CNOT6: variants seen among roughly 807,000 people sequenced by gnomAD.
CNOT6 encodes the protein carbon catabolite repression 4 protein.
Under a neutral mutation model 61.2 loss-of-function variants are expected in CNOT6, and 12 were observed. The observed-to-expected ratio is 0.20, with a 90% CI of 0.13 to 0.32. The LOEUF (loss-of-function observed/expected upper bound fraction) is 0.32, where lower values mean the gene tolerates loss of function less well. CNOT6 is among the 10% of genes least tolerant of loss of function. The pLI, the probability that CNOT6 is intolerant of heterozygous loss-of-function variation, is 1.00. For synonymous variants in CNOT6, 225 were observed against 240.6 expected, an observed-to-expected ratio of 0.94 and a Z score of 0.60; for missense variants, 405 against 663.9, an observed-to-expected ratio of 0.61 and a Z score of 4.28.
intron 3 of CNOT6, among the ~76,000 whole-genome samples, chr5:180,552,603 A>G (rs949186382): frequency 2.4e-4 from 36 of 151,270 alleles, no homozygotes; most frequent in African/African-American, 7.3e-4. Context: ...CCGAGATCGC[A>G]TCACTGCACT....
intron 2 of CNOT6, among the ~76,000 whole-genome samples, chr5:180,549,266 A>C (rs1262637598): frequency 1.3e-5 from 2 of 152,180 alleles, no homozygotes; most frequent in Non-Finnish European, 2.9e-5. Flanking sequence ...GTTATTTTGC[A>C]TAAGTCCAAA....
intron 4 of CNOT6, among the ~76,000 whole-genome samples, chr5:180,555,358 C>CT (rs1383853472): frequency 2.0e-5 from 3 of 152,188 alleles, no homozygotes; most frequent in African/African-American, 7.2e-5. Context: ...GTGTAAATGC[C>CT]TGCAGCAGTA....
chr5:180,559,743 G>A (rs546581091), intron 4 of CNOT6, among the ~76,000 whole-genome samples: 2 of 151,744 alleles, frequency 1.3e-5, no homozygotes, highest in South Asian at 2.1e-4. Context: ...TTCTGTAGTG[G>A]TTTGAGTGTG....
intron 2 of CNOT6, among the ~76,000 whole-genome samples, chr5:180,542,823 T>A (rs78702037): frequency 0.049 from 7,476 of 152,270 alleles, 256 homozygotes; most frequent in Non-Finnish European, 0.069. Flanking sequence ...TGCTTAAAAG[T>A]AAATGCAAGT....
At chr5:180,572,910 C>T (rs746843548) in intron 11 of CNOT6, among the ~76,000 whole-genome samples, 4 of 152,154 alleles carry the variant, frequency 2.6e-5, no homozygotes, top group South Asian at 2.1e-4. Flanking sequence ...AATTTCTTAA[C>T]TCCCAGCTTT....
chr5:180,554,040 A>G (rs1358912290), intron 4 of CNOT6, among the ~76,000 whole-genome samples: 1 of 152,242 alleles, frequency 6.6e-6, no homozygotes, highest in Non-Finnish European at 1.5e-5. Flanking sequence ...CATGTTAAGC[A>G]GTTCTTCACC....
At chr5:180,561,222 G>C (rs1460305380) in intron 4 of CNOT6, among the ~76,000 whole-genome samples, 1 of 152,168 alleles carries the variant, frequency 6.6e-6, no homozygotes, top group Admixed American at 6.5e-5. Context: ...AAAGTGCTGG[G>C]ATTATAGGCA....
At chr5:180,529,911 C>T (rs1758275728) in intron 2 of CNOT6, among the ~76,000 whole-genome samples, 1 of 152,332 alleles carries the variant, frequency 6.6e-6, no homozygotes, top group South Asian at 2.1e-4. Context: ...AAGAAGATCT[C>T]AAATTTCCCT....
chr5:180,569,597 C>T (rs895169344), intron 10 of CNOT6, among the ~76,000 whole-genome samples: 6 of 152,076 alleles, frequency 3.9e-5, no homozygotes, highest in African/African-American at 1.4e-4. Flanking sequence ...CTTTAAAGAA[C>T]GTATGTAGTT....
At chr5:180,509,965 CTCAAAATGTGTAGTTATGAT>C (rs1337205429) in intron 1 of CNOT6, among the ~76,000 whole-genome samples, 7 of 150,684 alleles carry the variant, frequency 4.6e-5, no homozygotes, top group Non-Finnish European at 1.0e-4. Context: ...TTATAGTAGT[CTCAAAATGTGTAGTTATGAT>C]TTAAGTTTTG....
At chr5:180,564,346 G>A (rs916863182) in intron 4 of CNOT6, 143 bp from the exon 5 acceptor site, 5 of 640,902 alleles carry the variant, frequency 7.8e-6, no homozygotes, top group African/African-American at 7.4e-5. Context: ...ATCAGAAACT[G>A]AAAAAACAAT....
chr5:180,496,108 G>T (rs1391062850), intron 1 of CNOT6, among the ~76,000 whole-genome samples: 1 of 152,052 alleles, frequency 6.6e-6, no homozygotes, highest in Admixed American at 6.6e-5. Flanking sequence ...TTGCTCTGTT[G>T]CCCAGGCTGG....
intron 1 of CNOT6, among the ~76,000 whole-genome samples, chr5:180,528,978 A>G (rs1057456519): frequency 8.5e-5 from 13 of 152,098 alleles, no homozygotes; most frequent in Admixed American, 8.5e-4. Flanking sequence ...TGGGAGGCCA[A>G]GGCGGGCGGA....
intron 2 of CNOT6, among the ~76,000 whole-genome samples, chr5:180,547,836 C>A (rs1394883203): frequency 6.6e-6 from 1 of 152,050 alleles, no homozygotes; most frequent in Non-Finnish European, 1.5e-5. Context: ...CGGGTTCAAG[C>A]GGTTCTCCTG....
Position 180,575,402 on chromosome 5 carries a change from A to G in CNOT6, c.*1202A>G, listed in dbSNP as rs1010577879. On this transcript the variant is annotated 3_prime_UTR_variant, in exon 12 of 12. Coordinates refer to ENST00000261951, the MANE Select transcript of CNOT6 (RefSeq NM_001370472.1). ...CAGTGTGCTGCTTGTCACCCAGAAT[A>G]CTACTATCATGTGAATTCTTTTTGT... 6.6e-6 allele frequency: 1 copy of G among 151,250 alleles called. No homozygotes were observed. The highest frequency in any genetic ancestry group is 2.4e-5 in the African/African-American group (1 of 41,082). The allele number at this position is 151,250 out of a possible 1,614,324, so 9.4% of individuals were successfully genotyped here. A position where few individuals can be genotyped will look rare whatever the true frequency, so the allele number is the denominator to read the frequency against.
At chr5:180,568,234 T>TA (rs1760561930) in intron 9 of CNOT6, among the ~76,000 whole-genome samples, 1 of 133,726 alleles carries the variant, frequency 7.5e-6, no homozygotes. Context: ...AAAAACCTTT[T>TA]TTTTTTTTTT....
intron 9 of CNOT6, among the ~76,000 whole-genome samples, chr5:180,568,209 C>A (rs1369568774): frequency 5.4e-5 from 8 of 147,940 alleles, no homozygotes; most frequent in African/African-American, 2.0e-4. Flanking sequence ...GTATTAGAAG[C>A]CTTGAAAAGC....
chr5:180,504,770 C>G (rs1757046193), intron 1 of CNOT6, among the ~76,000 whole-genome samples: 2 of 152,106 alleles, frequency 1.3e-5, no homozygotes, highest in East Asian at 3.8e-4. Context: ...GACAGTGTCA[C>G]TCTTCTCACT....
At chr5:180,569,683 A>G (rs1387158485) in intron 10 of CNOT6, among the ~76,000 whole-genome samples, 1 of 152,250 alleles carries the variant, frequency 6.6e-6, no homozygotes, top group African/African-American at 2.4e-5. Context: ...GTGTGGTAAT[A>G]TAATCATAGT....
Sources: gnomAD v4.1 joint callset for allele counts (sites outside exome capture counted in the v4.1 genomes callset) on GRCh38, gnomAD v4.1.1 for gene constraint, MANE v1.5 for transcripts, NCBI Gene and HGNC (gene_info 2026-07-23, HGNC 2026-07-21) for gene names.